PRAMEF20: variants seen among roughly 807,000 people sequenced by gnomAD.
PRAMEF20 encodes PRAME family member 20/21.
Under a neutral mutation model 32.4 loss-of-function variants are expected in PRAMEF20, and 27 were observed. That is an observed-to-expected ratio of 0.83 (90% CI 0.61 to 1.15). The LOEUF is 1.15. PRAMEF20 is among the 50% of genes most tolerant of loss of function. The pLI is 0.00. For synonymous variants in PRAMEF20, 256 were observed against 235.4 expected (o/e 1.09, Z -0.80); for missense variants, 604 against 584.5 (o/e 1.03, Z -0.34).
exon 2 of PRAMEF20, chr1:13,418,282 T>C: frequency 6.2e-7 from 1 of 1,613,854 alleles, no homozygotes; most frequent in South Asian, 1.1e-5. Flanking sequence ...CTTGACTGTG[T>C]TCATAGACCT....
chr1:13,417,766 T>G (rs1399480288), intron 1 of PRAMEF20, among the ~76,000 whole-genome samples: 1 of 142,416 alleles, frequency 7.0e-6, no homozygotes, highest in Non-Finnish European at 1.5e-5. Context: ...GACGGAGTCT[T>G]GCTCTGTCGC....
rs1472862099 is a variant in PRAMEF20 at position 13,417,802 on chromosome 1, C to T, written c.288-320C>T. Among the ~76,000 whole-genome samples, 7 of 142,666 alleles carry T rather than the reference C, an allele frequency of 4.9e-5. No homozygotes were observed. The East Asian group carries it at 6.6e-4, about 14-fold the overall frequency. 93.6% of individuals were successfully genotyped at this position (142,666 alleles called of 152,430 possible). A position where few individuals can be genotyped will look rare whatever the true frequency, so the allele number is the denominator to read the frequency against. ...CCAGGCTGGGGCTAGAGTGCAGTGG[C>T]GCGATCTCAGCTCACTGCAAGCTCC... On this transcript the variant is annotated intron_variant, in intron 1 of 2. Coordinates refer to ENST00000602960, the Ensembl canonical transcript of PRAMEF20.
chr1:13,416,625 C>T, exon 1 of PRAMEF20: 1 of 1,614,146 alleles, frequency 6.2e-7, no homozygotes, highest in Non-Finnish European at 8.5e-7. Context: ...ACTGCTTACC[C>T]ACAGGGTTCG....
intron 1 of PRAMEF20, 82 bp from the exon 3 acceptor site, chr1:13,418,040 C>G: frequency 1.2e-6 from 2 of 1,604,804 alleles, no homozygotes; most frequent in South Asian, 2.2e-5. Flanking sequence ...TCCCAAAGTG[C>G]TGGGATTACA....
intron 1 of PRAMEF20, among the ~76,000 whole-genome samples, chr1:13,417,745 T>G (rs1210737029): frequency 6.7e-6 from 1 of 149,406 alleles, no homozygotes; most frequent in African/African-American, 2.5e-5. Context: ...TTTTTTTTTT[T>G]TTTTTTCTGA....
chr1:13,420,778 C>A lies in PRAMEF20; in HGVS notation c.948C>A (p.Tyr316Ter). 6.2e-7 allele frequency: 1 copy of A among 1,613,898 alleles called. No individual in the cohort carries two copies. The highest frequency in any genetic ancestry group is 8.5e-7 in the Non-Finnish European group (1 of 1,179,866). Residue 316 changes from tyrosine to a stop codon, truncating the protein, a stop_gained, in exon 3 of 3, where the codon TAC becomes TAA. Coordinates refer to ENST00000602960, the Ensembl canonical transcript of PRAMEF20. LOFTEE classifies it high-confidence loss of function. ...CAGACTTGAAGCATCTGTCCAAGTA[C>A]CCGAGCATTGGTCAACTAAAGACCC...
chr1:13,420,322 T>C (rs1341918672), intron 2 of PRAMEF20, among the ~76,000 whole-genome samples: 4 of 152,174 alleles, frequency 2.6e-5, no homozygotes, highest in South Asian at 2.1e-4. Context: ...GCGGTTCTCC[T>C]GCCTCAGCCT....
intron 2 of PRAMEF20, among the ~76,000 whole-genome samples, chr1:13,419,435 C>T (rs1641218443): frequency 1.3e-5 from 2 of 152,022 alleles, no homozygotes; most frequent in Non-Finnish European, 1.5e-5. Context: ...AGGCGTGAGC[C>T]ACCACACCCG....
upstream of PRAMEF20, among the ~76,000 whole-genome samples, chr1:13,413,590 C>T (rs1312568963): frequency 2.8e-4 from 42 of 152,182 alleles, 1 homozygote; most frequent in South Asian, 8.3e-3. Flanking sequence ...GTCTCAAACT[C>T]CTGACCTCTA....
chr1:13,418,285 A>T (rs987352013), exon 2 of PRAMEF20: 3 of 1,613,930 alleles, frequency 1.9e-6, no homozygotes, highest in Non-Finnish European at 2.5e-6. Flanking sequence ...GACTGTGTTC[A>T]TAGACCTTTG....
chr1:13,421,120 T>C, exon 3 of PRAMEF20: 1 of 1,613,968 alleles, frequency 6.2e-7, no homozygotes, highest in South Asian at 1.1e-5. Flanking sequence ...GGAGCAGATT[T>C]GCCCAACTTG....
At chr1:13,420,569 ATCAGACAAT>A in intron 2 of PRAMEF20, 119 bp from the exon 4 acceptor site, 1 of 1,286,996 alleles carries the variant, frequency 7.8e-7, no homozygotes, top group Non-Finnish European at 1.1e-6. Flanking sequence ...AGTGTTGACT[ATCAGACAAT>A]CAGAATGACC....
chr1:13,417,359 CAG>C (rs1489093675), intron 1 of PRAMEF20, among the ~76,000 whole-genome samples: 4 of 152,038 alleles, frequency 2.6e-5, no homozygotes, highest in African/African-American at 7.2e-5. Context: ...TCATGTAAGA[CAG>C]GGAAGTTCCC....
chr1:13,411,514 AAC>A (rs1641113999), upstream of PRAMEF20, among the ~76,000 whole-genome samples: 2 of 152,252 alleles, frequency 1.3e-5, no homozygotes, highest in African/African-American at 4.8e-5. Flanking sequence ...TTGTAAGAAA[AAC>A]AGTCTTAAAG....
chr1:13,416,122 G>A (rs1385431126), upstream of PRAMEF20, among the ~76,000 whole-genome samples: 2 of 152,196 alleles, frequency 1.3e-5, no homozygotes, highest in African/African-American at 4.8e-5. Flanking sequence ...AAGGGCTAGT[G>A]GTGGCCCTGC....
upstream of PRAMEF20, among the ~76,000 whole-genome samples, chr1:13,411,360 A>G (rs1285269456): frequency 2.7e-5 from 4 of 146,600 alleles, no homozygotes; most frequent in African/African-American, 9.9e-5. Flanking sequence ...AATATATCTT[A>G]TGCAAACAGT....
upstream of PRAMEF20, among the ~76,000 whole-genome samples, chr1:13,412,456 C>T (rs1187563983): frequency 2.0e-5 from 3 of 152,114 alleles, no homozygotes; most frequent in African/African-American, 7.2e-5. Context: ...GATTCTACAT[C>T]TTCTCTTTTG....
At chr1:13,420,088 G>A (rs1408281675) in intron 2 of PRAMEF20, among the ~76,000 whole-genome samples, 2 of 152,268 alleles carry the variant, frequency 1.3e-5, no homozygotes, top group South Asian at 4.1e-4. Flanking sequence ...ATCCCCAATG[G>A]TCTCATGTGG....
chr1:13,414,886 G>A (rs1472138380), upstream of PRAMEF20, among the ~76,000 whole-genome samples: 2 of 152,008 alleles, frequency 1.3e-5, no homozygotes, highest in African/African-American at 4.8e-5. Context: ...TGCTACATCT[G>A]CCTCCCAGGT....
Sources: gnomAD v4.1 joint callset for allele counts (sites outside exome capture counted in the v4.1 genomes callset) on GRCh38, gnomAD v4.1.1 for gene constraint, MANE v1.5 for transcripts, NCBI Gene and HGNC (gene_info 2026-07-23, HGNC 2026-07-21) for gene names.